Variants in TAFA2 observed in about 807,000 individuals in gnomAD.
The protein encoded by TAFA2 is chemokine-like protein TAFA-2.
Under a neutral mutation model 18.8 loss-of-function variants are expected in TAFA2, and 7 were observed. That is an observed-to-expected ratio of 0.37 (90% CI 0.21 to 0.70). The LOEUF (loss-of-function observed/expected upper bound fraction) is 0.70. Ranked by LOEUF, TAFA2 falls within the 30% of genes least tolerant of loss-of-function variation. The pLI is 0.53. For missense variants in TAFA2, 122 were observed against 158.1 expected, an observed-to-expected ratio of 0.77 and a Z score of 1.23; for synonymous variants, 60 against 54.2, an observed-to-expected ratio of 1.11 and a Z score of -0.47.
upstream of TAFA2, among the ~76,000 whole-genome samples, chr12:62,194,753 C>G (rs139442354): frequency 6.6e-6 from 1 of 152,274 alleles, no homozygotes; most frequent in African/African-American, 2.4e-5. Context: ...ATACTTCTTA[C>G]CTTCTACAGG....
At chr12:62,162,314 G>A (rs890943486) in intron 1 of TAFA2, among the ~76,000 whole-genome samples, 8 of 152,172 alleles carry the variant, frequency 5.3e-5, no homozygotes, top group African/African-American at 1.9e-4. Context: ...AGCTAACACT[G>A]ATGGTAGCTC....
At chr12:61,854,592 A>G (rs1873809119) in intron 2 of TAFA2, among the ~76,000 whole-genome samples, 1 of 151,984 alleles carries the variant, frequency 6.6e-6, no homozygotes, top group Non-Finnish European at 1.5e-5. Context: ...GGGAGGAGGG[A>G]AAAAGGTCAC....
At chr12:61,738,798 C>G (rs1157466261) in intron 4 of TAFA2, among the ~76,000 whole-genome samples, 1 of 152,006 alleles carries the variant, frequency 6.6e-6, no homozygotes, top group African/African-American at 2.4e-5. Flanking sequence ...ACAGACCAAC[C>G]TCCAATGAAT....
chr12:61,759,936 A>G (rs1362067122), intron 2 of TAFA2, among the ~76,000 whole-genome samples: 10 of 152,018 alleles, frequency 6.6e-5, no homozygotes, highest in Admixed American at 6.6e-4. Context: ...TGATGATCAC[A>G]GGGCACAATG....
chr12:62,249,025 G>A (rs926351293), intron 1 of TAFA2, among the ~76,000 whole-genome samples: 2 of 151,958 alleles, frequency 1.3e-5, no homozygotes, highest in African/African-American at 2.4e-5. Context: ...TACTTCAGTC[G>A]CATCCCCCAC....
In TAFA2 at chr12:62,042,401, C is replaced by CTGTGTGTGTG. The variant is rs147189045; in HGVS notation, c.-2+148848_-2+148857dup. ...TTAGTCCTAAATTCTGCATTGAAGT[C>CTGTGTGTGTG]TGTGTGTGTGTGTGTGTGTGTGTGT... On this transcript the variant is annotated intron_variant, in intron 1 of 4. Transcript: ENST00000416284. 8.3e-5 allele frequency among the ~76,000 whole-genome samples: 12 copies of CTGTGTGTGTG among 144,086 alleles called. No individual in the cohort carries two copies. In the East Asian group the frequency reaches 1.7e-3, roughly 20 times the overall value. The allele number at this position is 144,086 out of a possible 152,430, so 94.5% of individuals were successfully genotyped here. A position where few individuals can be genotyped will look rare whatever the true frequency, so the allele number is the denominator to read the frequency against.
intron 2 of TAFA2, among the ~76,000 whole-genome samples, chr12:61,771,213 T>G (rs965395351): frequency 6.6e-6 from 1 of 151,968 alleles, no homozygotes; most frequent in Admixed American, 6.6e-5. Flanking sequence ...CCTAAATATA[T>G]ATGCACCTAA....
chr12:62,201,384 GGTTCT>G (rs2062670145), intron 1 of TAFA2, among the ~76,000 whole-genome samples: 1 of 152,038 alleles, frequency 6.6e-6, no homozygotes, highest in African/African-American at 2.4e-5. Flanking sequence ...TGTCATAAAA[GGTTCT>G]TTTTATTTTG....
At chr12:61,951,155 C>T (rs1214161548) in intron 1 of TAFA2, among the ~76,000 whole-genome samples, 1 of 152,088 alleles carries the variant, frequency 6.6e-6, no homozygotes, top group Non-Finnish European at 1.5e-5. Flanking sequence ...TCAGAAGCAT[C>T]GCCAACTTCA....
chr12:61,721,955 C>CA (rs11285316), intron 4 of TAFA2, among the ~76,000 whole-genome samples: 9 of 147,324 alleles, frequency 6.1e-5, no homozygotes, highest in South Asian at 2.2e-4. Flanking sequence ...GACTCTCTCT[C>CA]AAAAAAAAAA....
intron 1 of TAFA2, among the ~76,000 whole-genome samples, chr12:62,159,352 G>T (rs536716567): frequency 2.0e-5 from 3 of 152,126 alleles, no homozygotes; most frequent in Non-Finnish European, 4.4e-5. Flanking sequence ...ATTACCAGCA[G>T]AACAGCCACC....
chr12:62,008,481 T>C (rs1880629330), intron 1 of TAFA2, among the ~76,000 whole-genome samples: 2 of 152,322 alleles, frequency 1.3e-5, no homozygotes, highest in Admixed American at 6.5e-5. Flanking sequence ...AAGTATATGC[T>C]AGTACCTACC....
intron 1 of TAFA2, among the ~76,000 whole-genome samples, chr12:61,944,381 C>T (rs1235609469): frequency 6.9e-6 from 1 of 144,722 alleles, no homozygotes; most frequent in Admixed American, 6.8e-5. Flanking sequence ...ACCCTAACAT[C>T]ACAATTAAAA....
intron 1 of TAFA2, among the ~76,000 whole-genome samples, chr12:61,978,897 C>T (rs544217892): frequency 1.3e-5 from 2 of 152,118 alleles, no homozygotes; most frequent in South Asian, 4.2e-4. Context: ...CATTGTTTTT[C>T]AAAGTAGGCA....
intron 1 of TAFA2, among the ~76,000 whole-genome samples, chr12:62,052,715 C>G (rs1373457): frequency 0.43 from 65,256 of 151,772 alleles, 14,659 homozygotes; most frequent in Middle Eastern, 0.58. Context: ...TATTCTAGAA[C>G]TTCAGGGTCT....
At chr12:62,102,376 G>A (rs1296638196) in intron 1 of TAFA2, among the ~76,000 whole-genome samples, 1 of 152,182 alleles carries the variant, frequency 6.6e-6, no homozygotes, top group African/African-American at 2.4e-5. Context: ...TCAGAAAAGT[G>A]TAACTTGAAG....
chr12:61,877,893 A>T (rs1874926192), intron 1 of TAFA2, among the ~76,000 whole-genome samples: 1 of 131,406 alleles, frequency 7.6e-6, no homozygotes, highest in Non-Finnish European at 1.6e-5. Context: ...GGATAAACAA[A>T]TTGTGATTTT....
intron 1 of TAFA2, among the ~76,000 whole-genome samples, chr12:62,240,100 AATATGTT>A (rs1451632806): frequency 6.6e-6 from 1 of 151,160 alleles, no homozygotes; most frequent in African/African-American, 2.4e-5. Flanking sequence ...ATATATACTA[AATATGTT>A]ATATAATGAT....
At chr12:62,183,469 A>C (rs945476073) in intron 1 of TAFA2, among the ~76,000 whole-genome samples, 3 of 152,142 alleles carry the variant, frequency 2.0e-5, no homozygotes, top group African/African-American at 7.2e-5. Context: ...CTGCAGCCTC[A>C]ACCTCCTGGG....
Sources: allele counts gnomAD v4.1 joint callset (sites outside exome capture counted in the v4.1 genomes callset), GRCh38; gene constraint gnomAD v4.1.1; transcripts MANE v1.5; gene names NCBI Gene and HGNC (gene_info 2026-07-23, HGNC 2026-07-21).